FBXO4: variants seen among roughly 807,000 people sequenced by gnomAD.
FBXO4 encodes the protein F-box only protein 4.
Under a neutral mutation model 43.7 loss-of-function variants are expected in FBXO4, and 36 were observed. The observed-to-expected ratio is 0.82, with a 90% CI of 0.63 to 1.09. The LOEUF is 1.09. FBXO4 is among the 50% of genes least tolerant of loss of function. FBXO4 has a pLI of 0.00. For synonymous variants in FBXO4, 180 were observed against 165.6 expected (o/e 1.09, Z -0.67); for missense variants, 435 against 474.1 (o/e 0.92, Z 0.77).
chr5:41,996,421 A>C, the FBXO4 span, among the ~76,000 whole-genome samples: 1 of 152,178 alleles, frequency 6.6e-6, no homozygotes, highest in African/African-American at 2.4e-5. Flanking sequence ...GCCTTGCTTC[A>C]AAATCCTAGA....
At chr5:41,926,987 C>T (rs1228659514) in intron 1 of FBXO4, 26 bp from the exon 2 acceptor site, 4 of 1,438,234 alleles carry the variant, frequency 2.8e-6, no homozygotes, top group Admixed American at 2.3e-5. Context: ...TTCCTTTTTC[C>T]TACCTGCTGC....
At chr5:41,956,696 A>C in the FBXO4 span, among the ~76,000 whole-genome samples, 19 of 135,788 alleles carry the variant, frequency 1.4e-4, no homozygotes, top group African/African-American at 5.4e-4. Context: ...CTTGTATGTA[A>C]TTTTTTTTTC....
In FBXO4 at chr5:41,927,016, G is replaced by C. The variant is rs1751526139; in HGVS notation, c.193G>C (p.Asp65His). The C allele has an allele frequency of 1.3e-6, 2 of 1,583,582 alleles. No individual in the cohort carries two copies. The highest frequency in any genetic ancestry group is 1.7e-6 in the Non-Finnish European group (2 of 1,165,522). ...CTGCTGCTTTCTTCTGTTTCAGATT[G>C]ATGTACAGCTATATATTTTGTCCTT... is the stretch of plus-strand genomic sequence containing the variant. ...AASTLTRLPI[D>H]VQLYILSFLS... is the part of the protein sequence containing the mutation. Residue 65 changes from aspartate (D) to histidine (H), a missense_variant, in exon 2 of 7, where the codon GAT becomes CAT. By Grantham distance (81) the Asp-to-His change is moderately conservative. Transcript: ENST00000281623.
chr5:41,961,342 G>T, the FBXO4 span, among the ~76,000 whole-genome samples: 2 of 152,202 alleles, frequency 1.3e-5, no homozygotes, highest in Non-Finnish European at 2.9e-5. Context: ...TCTTCACACT[G>T]GGTCTACTTT....
At chr5:42,032,868 A>G in the FBXO4 span, among the ~76,000 whole-genome samples, 1 of 152,164 alleles carries the variant, frequency 6.6e-6, no homozygotes, top group Non-Finnish European at 1.5e-5. Context: ...CAGGTCTCAG[A>G]GGCTCACCCA....
In FBXO4 at chr5:41,929,907, G is replaced by A; in HGVS notation, c.636G>A (p.Arg212=). The change falls in exon 3 of 7, where the codon AGG becomes AGA. Residue 212 remains arginine (R), a synonymous_variant. Transcript: ENST00000281623. Reference sequence around the variant, plus strand: ...GCCCAACAGCTGGTTTGCCTCAGAGGCAGATTGATGGTAATTTTCATGTTA... The same window carrying A: ...GCCCAACAGCTGGTTTGCCTCAGAGACAGATTGATGGTAATTTTCATGTTA... ...ELCPTAGLPQ[R]QIDGIGSGVN... 1 of 1,607,078 alleles carries A rather than the reference G, an allele frequency of 6.2e-7. No individual in the cohort carries two copies. Among genetic ancestry groups the A allele is most frequent in the Non-Finnish European group, 8.5e-7 (1 of 1,177,250 alleles).
At chr5:41,927,934 A>G (rs890529329) in intron 2 of FBXO4, among the ~76,000 whole-genome samples, 7 of 152,186 alleles carry the variant, frequency 4.6e-5, no homozygotes, top group African/African-American at 9.7e-5. Flanking sequence ...ATATCTGGAT[A>G]TAGCTTGTTT....
chr5:41,996,835 G>C, the FBXO4 span, among the ~76,000 whole-genome samples: 1 of 152,264 alleles, frequency 6.6e-6, no homozygotes. Flanking sequence ...GAGGTAGAAG[G>C]CCCCTGAATT....
chr5:42,002,880 A>C, the FBXO4 span, among the ~76,000 whole-genome samples: 215 of 152,294 alleles, frequency 1.4e-3, no homozygotes, highest in African/African-American at 4.8e-3. Flanking sequence ...TGGTGCTTAG[A>C]AGCAAACTTG....
the FBXO4 span, among the ~76,000 whole-genome samples, chr5:41,999,213 T>C: frequency 8.6e-5 from 13 of 151,574 alleles, no homozygotes; most frequent in African/African-American, 2.9e-4. Context: ...GTGTTCTCCA[T>C]ACTATTAGAA....
chr5:42,027,642 TTTGAAGTTTTTCC>T, the FBXO4 span, among the ~76,000 whole-genome samples: 1 of 152,044 alleles, frequency 6.6e-6, no homozygotes, highest in Non-Finnish European at 1.5e-5. Flanking sequence ...AGGTTCTTTA[TTTGAAGTTTTTCC>T]TGTTTTTTGA....
chr5:42,030,143 C>T, the FBXO4 span, among the ~76,000 whole-genome samples: 677 of 151,944 alleles, frequency 4.5e-3, 3 homozygotes, highest in Non-Finnish European at 6.2e-3. Context: ...GAGCCCACAT[C>T]GCCAAGTCAA....
At chr5:41,949,475 G>C in the FBXO4 span, among the ~76,000 whole-genome samples, 1 of 152,144 alleles carries the variant, frequency 6.6e-6, no homozygotes, top group African/African-American at 2.4e-5. Context: ...TTGCTTCAAA[G>C]AGAATAAAAT....
chr5:41,925,430 G>T lies in FBXO4; in HGVS notation c.121G>T (p.Glu41Ter). 7.3e-7 allele frequency: 1 copy of T among 1,377,876 alleles called. No homozygotes were observed. The highest frequency in any genetic ancestry group is 1.7e-5 in the South Asian group (1 of 59,460). The allele number at this position is 1,377,876 out of a possible 1,614,324, so 85.4% of individuals were successfully genotyped here. The change falls in exon 1 of 7, where the codon GAG becomes TAG. Residue 41 changes from glutamate (E) to a stop codon, truncating the protein, a stop_gained. Transcript: ENST00000281623. LOFTEE classifies it high-confidence loss of function. ...WKTFWQSVSK[E>*]RVARTTSREE... ...GACCTTCTGGCAGTCAGTGAGCAAG[G>T]AGAGGGTGGCGCGTACGACCTCACG... is the stretch of plus-strand genomic sequence containing the variant.
chr5:41,961,858 G>A, the FBXO4 span, among the ~76,000 whole-genome samples: 1 of 152,186 alleles, frequency 6.6e-6, no homozygotes, highest in African/African-American at 2.4e-5. Flanking sequence ...AGTAGCCAGT[G>A]TCCCCTATGG....
intron 6 of FBXO4, 124 bp downstream of exon 6, chr5:41,939,740 T>G: frequency 2.8e-6 from 2 of 715,196 alleles, no homozygotes; most frequent in Non-Finnish European, 4.3e-6. Context: ...AATAGCTTAA[T>G]CTATGGAAGC....
the FBXO4 span, among the ~76,000 whole-genome samples, chr5:41,994,724 G>A: frequency 1.3e-5 from 2 of 152,180 alleles, no homozygotes; most frequent in African/African-American, 4.8e-5. Flanking sequence ...TTAAAGGTGG[G>A]AGGAGCCCAA....
rs1751620725 is a variant in FBXO4, at chr5:41,929,731, TC to T, written c.461del (p.Ser154Ter). 1 of 1,612,890 alleles carries T rather than the reference TC, an allele frequency of 6.2e-7. No homozygotes were observed. The highest frequency in any genetic ancestry group is 8.5e-7 in the Non-Finnish European group (1 of 1,179,542). On this transcript the variant is annotated frameshift_variant, in exon 3 of 7. Coordinates refer to ENST00000281623, the MANE Select transcript of FBXO4 (RefSeq NM_012176.3). LOFTEE classifies it high-confidence loss of function. Reference sequence around the variant, plus strand: ...GTGCTGTCCATACACAAGAAGAGCTTCAAAATCCAGCCGTCCTATGTATGGA... The same window carrying T: ...GTGCTGTCCATACACAAGAAGAGCTTAAAATCCAGCCGTCCTATGTATGGA... ...RMCCPYTRRA[S>X]KSSRPMYGAV...
chr5:42,013,650 T>G, the FBXO4 span, among the ~76,000 whole-genome samples: 2 of 152,202 alleles, frequency 1.3e-5, no homozygotes, highest in Non-Finnish European at 2.9e-5. Flanking sequence ...GGACAGATTC[T>G]TAATAAACTG....
Sources: allele counts gnomAD v4.1 joint callset (sites outside exome capture counted in the v4.1 genomes callset), GRCh38; gene constraint gnomAD v4.1.1; transcripts MANE v1.5; gene names NCBI Gene and HGNC (gene_info 2026-07-23, HGNC 2026-07-21).